ARRDC5: variants seen among roughly 807,000 people sequenced by gnomAD.
The protein encoded by ARRDC5 is arrestin domain-containing protein 5.
In ARRDC5, 12 loss-of-function variants were observed where a neutral mutation model predicts 13.3. The ratio of observed to expected loss-of-function variants is 0.90; its 90% CI spans 0.58 to 1.46. The LOEUF is 1.46. ARRDC5 is among the 40% of genes most tolerant of loss of function. The pLI, the probability that ARRDC5 is intolerant of heterozygous loss-of-function variation, is 0.00. For missense variants in ARRDC5, 406 were observed against 418.7 expected, an observed-to-expected ratio of 0.97 and a Z score of 0.26; for synonymous variants, 181 against 173.4, an observed-to-expected ratio of 1.04 and a Z score of -0.34.
At chr19:4,891,866 A>C (rs1261735883) in intron 2 of ARRDC5, among the ~76,000 whole-genome samples, 1 of 150,596 alleles carries the variant, frequency 6.6e-6, no homozygotes, top group Non-Finnish European at 1.5e-5. Context: ...GAGGCAGGAG[A>C]ATCTCTTGAA....
chr19:4,896,924 T>C (rs776724807), intron 1 of ARRDC5, 48 bp from the exon 2 acceptor site: 40 of 1,335,034 alleles, frequency 3.0e-5, no homozygotes, highest in Non-Finnish European at 3.8e-5. Context: ...AGAATCTTTT[T>C]TCCTTCTTCT....
chr19:4,914,292 C>T, the ARRDC5 span, among the ~76,000 whole-genome samples: 3 of 152,036 alleles, frequency 2.0e-5, no homozygotes, highest in East Asian at 1.9e-4. Flanking sequence ...CCTCCCAGAG[C>T]GTGAAGTCTG....
chr19:4,911,793 G>C, the ARRDC5 span, among the ~76,000 whole-genome samples: 1 of 152,162 alleles, frequency 6.6e-6, no homozygotes, highest in East Asian at 1.9e-4. Context: ...ACTGGGAGTG[G>C]GGTTTCCCGG....
rs7246242 is a variant in ARRDC5 at position 4,896,666 on chromosome 19, G to A, written c.459+5C>T. 3,712 of 1,601,096 alleles carry A rather than the reference G, an allele frequency of 2.3e-3. 84 individuals are homozygous for A. In the African/African-American group the frequency reaches 0.044, roughly 19 times the overall value. On this transcript the variant is annotated splice_donor_5th_base_variant and intron_variant, in intron 2 of 2. Coordinates refer to ENST00000650722, the MANE Select transcript of ARRDC5 (RefSeq NM_001080523.3). The stretch of plus-strand genomic sequence containing the variant: ...TTCCCACCTCCACCTTTCCCCCATC[G>A]GTACCTGGAATGGGGTTTCTTTGTG...
At chr19:4,899,657 CG>C (rs1234682181) in intron 1 of ARRDC5, among the ~76,000 whole-genome samples, 1 of 129,254 alleles carries the variant, frequency 7.7e-6, no homozygotes, top group Admixed American at 8.2e-5. Context: ...CGGCCGGGCG[CG>C]GTGGCTCACG....
chr19:4,907,473 T>A (rs1243121451), upstream of ARRDC5, among the ~76,000 whole-genome samples: 1 of 152,072 alleles, frequency 6.6e-6, no homozygotes, highest in Admixed American at 6.6e-5. Flanking sequence ...TTCACCATGT[T>A]GACCAGGCTA....
At chr19:4,910,257 G>C in the ARRDC5 span, 1 of 149,998 alleles carries the variant, frequency 6.7e-6, no homozygotes, top group Non-Finnish European at 1.5e-5. Context: ...GTGAGTCGCG[G>C]GGCGCGCGCG....
At chr19:4,910,702 A>C in the ARRDC5 span, 1 of 579,816 alleles carries the variant, frequency 1.7e-6, no homozygotes, top group Admixed American at 3.7e-5. Flanking sequence ...TAAGTGCTTA[A>C]TTTGTTGTGT....
chr19:4,911,116 C>G, the ARRDC5 span: 1 of 1,337,224 alleles, frequency 7.5e-7, no homozygotes, highest in Non-Finnish European at 1.0e-6. Flanking sequence ...GATACTTTCT[C>G]CCTCCCACCT....
In ARRDC5 at chr19:4,890,710, C is replaced by A; in HGVS notation, c.*336G>T. 1 of 288,378 alleles carries A rather than the reference C, an allele frequency of 3.5e-6. No homozygotes were observed. Among genetic ancestry groups the A allele is most frequent in the Non-Finnish European group, 6.6e-6 (1 of 151,792 alleles). 17.9% of individuals were successfully genotyped at this position (288,378 alleles called of 1,614,324 possible). ...TCCCCTGCAGTTGTGACAGCCAATA[C>A]AACCAGACATTAGCAGAGGGGAGAA... On this transcript the variant is annotated 3_prime_UTR_variant, in exon 3 of 3. Coordinates refer to ENST00000650722, the MANE Select transcript of ARRDC5 (RefSeq NM_001080523.3).
chr19:4,897,194 C>T lies in ARRDC5; in HGVS notation c.254-318G>A, dbSNP rs902394195. Among the ~76,000 whole-genome samples the T allele has an allele frequency of 1.1e-4, 16 of 152,138 alleles. 1 individual carries two copies. Among genetic ancestry groups the T allele is most frequent in the Admixed American group, 9.8e-4 (15 of 15,240 alleles). ...CTGGTCTTGAACTCCTGGCCTCCGG[C>T]GATCCGCCCGTCTTGCCCTCCCAAA... On this transcript the variant is annotated intron_variant, in intron 1 of 2. Transcript: ENST00000650722.
the ARRDC5 span, among the ~76,000 whole-genome samples, chr19:4,915,369 A>G: frequency 6.6e-6 from 1 of 152,182 alleles, no homozygotes; most frequent in Non-Finnish European, 1.5e-5. Context: ...GCAGCTGTAG[A>G]CAATCTGTAA....
At chr19:4,905,891 C>T (rs138704389), upstream of ARRDC5, among the ~76,000 whole-genome samples, 67 of 152,314 alleles carry the variant, frequency 4.4e-4, 1 homozygote, top group East Asian at 0.013. Flanking sequence ...AAAGATTGGA[C>T]ACCCCTGCTC....
intron 1 of ARRDC5, among the ~76,000 whole-genome samples, chr19:4,899,298 T>A (rs1025624011): frequency 2.1e-5 from 3 of 145,798 alleles, no homozygotes; most frequent in Non-Finnish European, 4.5e-5. Flanking sequence ...GGCGACAGAG[T>A]GAGACTCCAT....
At chr19:4,907,704 CTTTTTTTTTTTT>C (rs59867968), upstream of ARRDC5, among the ~76,000 whole-genome samples, 2 of 47,670 alleles carry the variant, frequency 4.2e-5, no homozygotes, top group Admixed American at 5.4e-4. Context: ...TTGGCCTGAT[CTTTTTTTTTTTT>C]TTTTTTTTTT....
intron 2 of ARRDC5, among the ~76,000 whole-genome samples, chr19:4,895,745 C>T (rs1056405693): frequency 6.6e-6 from 1 of 152,174 alleles, no homozygotes; most frequent in African/African-American, 2.4e-5. Flanking sequence ...TCTCTCCCAC[C>T]CTGAGGGTCA....
intron 2 of ARRDC5, among the ~76,000 whole-genome samples, chr19:4,895,561 TCCTCCCA>T (rs1229199931): frequency 2.7e-5 from 4 of 150,840 alleles, no homozygotes; most frequent in Admixed American, 2.0e-4. Context: ...CCAACGTCCC[TCCTCCCA>T]CCTCGACTTC....
At chr19:4,902,541 T>C (rs979643542) in intron 1 of ARRDC5, 32 bp downstream of exon 1, 4 of 1,605,130 alleles carry the variant, frequency 2.5e-6, no homozygotes, top group Non-Finnish European at 3.4e-6. Context: ...GTTCCTGTCA[T>C]GGCTAGGGGT....
intron 2 of ARRDC5, among the ~76,000 whole-genome samples, chr19:4,892,388 A>AT (rs143254505): frequency 0.31 from 38,033 of 122,268 alleles, 5,653 homozygotes; most frequent in Middle Eastern, 0.47. Flanking sequence ...TGCATCCAGC[A>AT]TTTTTTTTTT....
Sources: allele counts gnomAD v4.1 joint callset (sites outside exome capture counted in the v4.1 genomes callset), GRCh38; gene constraint gnomAD v4.1.1; transcripts MANE v1.5; gene names NCBI Gene and HGNC (gene_info 2026-07-23, HGNC 2026-07-21).